Variants in OSBPL8 observed in about 807,000 individuals in gnomAD.
OSBPL8 encodes the protein oxysterol-binding protein-related protein 8.
A neutral mutation model predicts 125.5 loss-of-function variants in OSBPL8; 59 were observed. That is an observed-to-expected ratio of 0.47 (90% CI 0.38 to 0.58). OSBPL8 has a LOEUF of 0.58. OSBPL8 is among the 20% of genes least tolerant of loss of function. OSBPL8 has a pLI of 0.00. For synonymous variants in OSBPL8, 330 were observed against 338.9 expected, an observed-to-expected ratio of 0.97 and a Z score of 0.29; for missense variants, 758 against 1,047.8, an observed-to-expected ratio of 0.72 and a Z score of 3.82.
intron 1 of OSBPL8, among the ~76,000 whole-genome samples, chr12:76,502,382 C>A (rs1471523309): frequency 6.6e-6 from 1 of 152,214 alleles, no homozygotes; most frequent in Non-Finnish European, 1.5e-5. Flanking sequence ...AATGATTCCA[C>A]TGAACTCGAA....
intron 1 of OSBPL8, among the ~76,000 whole-genome samples, chr12:76,557,864 A>G (rs551047628): frequency 1.3e-5 from 2 of 152,354 alleles, no homozygotes; most frequent in African/African-American, 4.8e-5. Context: ...TAAGGAAAAT[A>G]CAGTAGCATC....
At chr12:76,529,876 A>T (rs1380350406) in intron 1 of OSBPL8, among the ~76,000 whole-genome samples, 1 of 152,220 alleles carries the variant, frequency 6.6e-6, no homozygotes, top group Non-Finnish European at 1.5e-5. Flanking sequence ...ATTATTACAT[A>T]ATGTAGTCAT....
At chr12:76,362,455 C>T (rs1163647801) in intron 21 of OSBPL8, among the ~76,000 whole-genome samples, 1 of 151,892 alleles carries the variant, frequency 6.6e-6, no homozygotes, top group East Asian at 1.9e-4. Flanking sequence ...CAACAGATGC[C>T]GAAAAGGCCT....
At chr12:76,402,587 T>C (rs1451513377) in intron 6 of OSBPL8, 102 bp downstream of exon 6, 2 of 845,430 alleles carry the variant, frequency 2.4e-6, no homozygotes, top group African/African-American at 1.7e-5. Flanking sequence ...ATGTTTTTTC[T>C]TTCTTTAGGA....
intron 1 of OSBPL8, among the ~76,000 whole-genome samples, chr12:76,514,333 T>C (rs1881320520): frequency 1.3e-5 from 2 of 151,906 alleles, no homozygotes; most frequent in African/African-American, 4.8e-5. Context: ...TTTGTATTTT[T>C]AGTAGAGACA....
At chr12:76,526,691 C>G (rs1280365048) in intron 1 of OSBPL8, among the ~76,000 whole-genome samples, 1 of 124,016 alleles carries the variant, frequency 8.1e-6, no homozygotes, top group Non-Finnish European at 1.6e-5. Context: ...CACTCTGTCA[C>G]CTGGGCTGGA....
chr12:76,543,204 T>C (rs938416516), intron 1 of OSBPL8, among the ~76,000 whole-genome samples: 1 of 152,098 alleles, frequency 6.6e-6, no homozygotes, highest in Non-Finnish European at 1.5e-5. Flanking sequence ...ACATAGTAAC[T>C]TGCACTGAAA....
intron 1 of OSBPL8, among the ~76,000 whole-genome samples, chr12:76,544,239 G>A (rs931293198): frequency 4.6e-5 from 7 of 151,972 alleles, no homozygotes; most frequent in African/African-American, 7.3e-5. Flanking sequence ...TCACCCCTGC[G>A]GTCACTGCTT....
intron 1 of OSBPL8, among the ~76,000 whole-genome samples, chr12:76,518,861 C>T (rs1298625037): frequency 6.6e-6 from 1 of 152,186 alleles, no homozygotes; most frequent in Non-Finnish European, 1.5e-5. Flanking sequence ...TGGGACAGGT[C>T]CCTGAAACCA....
intron 2 of OSBPL8, among the ~76,000 whole-genome samples, chr12:76,470,015 G>T (rs1296780531): frequency 2.6e-5 from 4 of 152,076 alleles, no homozygotes; most frequent in Non-Finnish European, 2.9e-5. Context: ...TCCTTAAATA[G>T]TTCTGTCCTG....
intron 1 of OSBPL8, among the ~76,000 whole-genome samples, chr12:76,537,674 T>C (rs1950536630): frequency 6.6e-6 from 1 of 152,108 alleles, no homozygotes; most frequent in Admixed American, 6.6e-5. Flanking sequence ...TTTGGGAGGC[T>C]GAGGCAGGTG....
Position 76,487,544 on chromosome 12 carries a change from C to A in OSBPL8, c.8G>T (p.Gly3Val), listed in dbSNP as rs149974616. ME[G>V]GLADGEPDRT... ...ATCAGGTTCTCCATCTGCCAAACCTCCCTCCATAATGAAAGAAGATAGGTT... is the reference window on the plus strand; with the variant it reads ...ATCAGGTTCTCCATCTGCCAAACCTACCTCCATAATGAAAGAAGATAGGTT... The change falls in exon 2 of 24, where the codon GGA becomes GTA. Residue 3 changes from glycine (G) to valine (V), a missense_variant. Coordinates refer to ENST00000261183, the MANE Select transcript of OSBPL8 (RefSeq NM_020841.5). 233 of 1,604,528 alleles carry A rather than the reference C, an allele frequency of 1.5e-4. 2 individuals carry two copies. In the East Asian group the frequency reaches 5.2e-3, roughly 36 times the overall value.
intron 4 of OSBPL8, among the ~76,000 whole-genome samples, chr12:76,433,355 C>T (rs537309550): frequency 6.6e-6 from 1 of 151,994 alleles, no homozygotes; most frequent in East Asian, 1.9e-4. Flanking sequence ...AGTTTTAAAA[C>T]TAATAAACAA....
Position 76,369,591 on chromosome 12 carries a change from A to G in OSBPL8, c.2240+46T>C, listed in dbSNP as rs780964849. ...AATATTCTAGAAATAAAGGCAACAA[A>G]CCATGCTAATACATTGTTTGAAATA... On this transcript the variant is annotated intron_variant, in intron 20 of 23. Coordinates refer to ENST00000261183, the MANE Select transcript of OSBPL8 (RefSeq NM_020841.5). 3 of 1,549,384 alleles carry G rather than the reference A, an allele frequency of 1.9e-6. No individual in the cohort carries two copies. In the Admixed American group the frequency reaches 5.3e-5, roughly 27 times the overall value.
chr12:76,491,712 T>C (rs974394531), intron 1 of OSBPL8, among the ~76,000 whole-genome samples: 2 of 152,224 alleles, frequency 1.3e-5, no homozygotes, highest in African/African-American at 2.4e-5. Context: ...TTAACAGTTG[T>C]TGCACTTAAC....
At chr12:76,356,594 CAAAT>C (rs781757983) in intron 23 of OSBPL8, 28 bp downstream of exon 23, 15 of 1,391,626 alleles carry the variant, frequency 1.1e-5, no homozygotes, top group Non-Finnish European at 1.4e-5. Flanking sequence ...TCCTTGGTCT[CAAAT>C]GAATAGTCAG....
chr12:76,462,480 C>G (rs1275078988), intron 2 of OSBPL8, among the ~76,000 whole-genome samples: 1 of 152,116 alleles, frequency 6.6e-6, no homozygotes, highest in Non-Finnish European at 1.5e-5. Context: ...ATCCATTCAT[C>G]CATTTAACAA....
intron 1 of OSBPL8, among the ~76,000 whole-genome samples, chr12:76,546,205 TCTA>T (rs1257766121): frequency 7.9e-5 from 12 of 152,326 alleles, no homozygotes; most frequent in African/African-American, 2.9e-4. Flanking sequence ...AATGCTAATT[TCTA>T]CTGTTTACTA....
intron 3 of OSBPL8, among the ~76,000 whole-genome samples, chr12:76,459,472 G>A (rs919600987): frequency 2.0e-5 from 3 of 152,196 alleles, no homozygotes; most frequent in African/African-American, 7.2e-5. Context: ...AAATTATTAT[G>A]TAAAAATTCT....
Sources: allele counts gnomAD v4.1 joint callset (sites outside exome capture counted in the v4.1 genomes callset), GRCh38; gene constraint gnomAD v4.1.1; transcripts MANE v1.5; gene names NCBI Gene and HGNC (gene_info 2026-07-23, HGNC 2026-07-21).